The following HIPK1 variants were observed in gnomAD, a reference collection of about 807,000 sequenced individuals.
HIPK1 encodes the protein homeodomain interacting protein kinase 1, also known as homeodomain-interacting protein kinase 1.
In HIPK1, 28 loss-of-function variants were observed where a neutral mutation model predicts 117.1. The observed-to-expected ratio is 0.24, with a 90% CI of 0.18 to 0.33. HIPK1 has a LOEUF of 0.33. Ranked by LOEUF, HIPK1 falls within the 10% of genes least tolerant of loss-of-function variation. The pLI, the probability that HIPK1 is intolerant of heterozygous loss-of-function variation, is 1.00. For synonymous variants in HIPK1, 605 were observed against 562.5 expected, an observed-to-expected ratio of 1.08 and a Z score of -1.07; for missense variants, 1,122 against 1,475.1, an observed-to-expected ratio of 0.76 and a Z score of 3.92.
intron 15 of HIPK1, among the ~76,000 whole-genome samples, chr1:113,972,419 T>G (rs1672898842): frequency 1.3e-5 from 2 of 152,180 alleles, no homozygotes; most frequent in Admixed American, 1.3e-4. Context: ...ACTTCCCCAC[T>G]CTCCGAACAC....
rs1380481979 is a variant in HIPK1 at position 113,966,172 on chromosome 1, A to G, written c.2281A>G (p.Thr761Ala). 8 of 1,613,536 alleles carry G rather than the reference A, an allele frequency of 5.0e-6. No individual in the cohort carries two copies. The highest frequency in any genetic ancestry group is 6.8e-6 in the Non-Finnish European group (8 of 1,179,886). The change falls in exon 11 of 16, where the codon ACT (threonine) becomes GCT (alanine). Residue 761 changes from threonine to alanine, a missense_variant. Thr to Ala is a moderately conservative substitution (Grantham distance 58). This residue lies in a region of HIPK1 where 731 missense variants were observed against 860.4 expected (regional missense o/e 0.85). Coordinates refer to ENST00000426820, the MANE Select transcript of HIPK1 (RefSeq NM_198268.3). The part of the protein sequence containing the change: ...GGTQQILLPS[T>A]WQQLPGVALH... ...GACTCAGCAAATTCTCCTGCCTTCAACTTGGCAACAGTTGCCTGGGGTAGC... is the reference window on the plus strand; with the variant it reads ...GACTCAGCAAATTCTCCTGCCTTCAGCTTGGCAACAGTTGCCTGGGGTAGC...
intron 11 of HIPK1, 108 bp downstream of exon 11, chr1:113,966,380 ACT>A: frequency 9.6e-7 from 1 of 1,039,212 alleles, no homozygotes. Context: ...AAAATTTGAC[ACT>A]GTTGGAATCC....
At chr1:113,939,525 A>T (rs1670507606) in intron 1 of HIPK1, among the ~76,000 whole-genome samples, 1 of 152,080 alleles carries the variant, frequency 6.6e-6, no homozygotes, top group Admixed American at 6.6e-5. Flanking sequence ...GGTGTTTGTG[A>T]AATGTCCAAG....
intron 8 of HIPK1, among the ~76,000 whole-genome samples, chr1:113,960,926 A>G (rs112335934): frequency 5.3e-4 from 80 of 152,324 alleles, no homozygotes; most frequent in Middle Eastern, 3.4e-3. Flanking sequence ...TCTATGAGTT[A>G]TGCTCATTTG....
At position 113,958,049 on chromosome 1, in the gene HIPK1, A is replaced by G. The variant is rs771303972; in HGVS notation, c.1756-17A>G. On this transcript the variant is annotated splice_polypyrimidine_tract_variant and intron_variant, in intron 7 of 15. Transcript: ENST00000426820. ...CTACTTAATACAAGTGTACAAATAT[A>G]ATCCTTTTGTTTTTAGGCCAGTGTT... The G allele has an allele frequency of 6.4e-7, 1 of 1,562,018 alleles. No homozygotes were observed. The highest frequency in any genetic ancestry group is 8.8e-7 in the Non-Finnish European group (1 of 1,132,704).
rs1190711540 is a variant in HIPK1, at chr1:113,977,621, G to T, written c.*4109G>T. 1 of 152,602 alleles carries T rather than the reference G, an allele frequency of 6.6e-6. No homozygotes were observed. The highest frequency in any genetic ancestry group is 1.5e-5 in the Non-Finnish European group (1 of 68,016). 9.5% of individuals were successfully genotyped at this position (152,602 alleles called of 1,614,324 possible). A position where few individuals can be genotyped will look rare whatever the true frequency, so the allele number is the denominator to read the frequency against. ...AATAATCATTTTAACAAAAGAAATAGATATTTAAAATTTAATACTAACTAT... is the reference window on the plus strand; with the variant it reads ...AATAATCATTTTAACAAAAGAAATATATATTTAAAATTTAATACTAACTAT... On this transcript the variant is annotated 3_prime_UTR_variant, in exon 16 of 16. Transcript: ENST00000426820.
At chr1:113,934,784 GAAAAAAAAAAA>G (rs564619583) in intron 1 of HIPK1, among the ~76,000 whole-genome samples, 4 of 51,524 alleles carry the variant, frequency 7.8e-5, no homozygotes, top group South Asian at 6.2e-4. Flanking sequence ...CCTCATCTCT[GAAAAAAAAAAA>G]AAAAAAAAAA....
At chr1:113,932,091 C>A (rs1345569755) in intron 1 of HIPK1, 1 of 152,128 alleles carries the variant, frequency 6.6e-6, no homozygotes, top group East Asian at 1.9e-4. Flanking sequence ...GTTGTTGGAA[C>A]CCAGCTCCTA....
chr1:113,938,818 G>C (rs577657881), intron 1 of HIPK1, among the ~76,000 whole-genome samples: 1 of 151,470 alleles, frequency 6.6e-6, no homozygotes, highest in Non-Finnish European at 1.5e-5. Context: ...GCTGAGGCAG[G>C]AGAATTGCTT....
intron 3 of HIPK1, among the ~76,000 whole-genome samples, chr1:113,954,437 A>C (rs1671576190): frequency 6.6e-6 from 1 of 152,240 alleles, no homozygotes; most frequent in Non-Finnish European, 1.5e-5. Flanking sequence ...AAAAGATTAT[A>C]GCCAAAATTT....
At chr1:113,956,221 C>T (rs990488194) in intron 5 of HIPK1, among the ~76,000 whole-genome samples, 2 of 151,828 alleles carry the variant, frequency 1.3e-5, no homozygotes, top group Non-Finnish European at 2.9e-5. Flanking sequence ...ATTACAGGCA[C>T]GTGCCACCAT....
chr1:113,968,009 C>T lies in HIPK1; in HGVS notation c.2564+61C>T, dbSNP rs551395324. ...CCAGTTTGAGAGATATGTTGCCTTGCATTTGGAATATTGTATAGACATATA... is the reference window on the plus strand; with the variant it reads ...CCAGTTTGAGAGATATGTTGCCTTGTATTTGGAATATTGTATAGACATATA... On this transcript the variant is annotated intron_variant, in intron 12 of 15. Coordinates refer to ENST00000426820, the MANE Select transcript of HIPK1 (RefSeq NM_198268.3). 62 of 1,438,866 alleles carry T rather than the reference C, an allele frequency of 4.3e-5. No individual in the cohort carries two copies. In the South Asian group the frequency reaches 7.0e-4, roughly 16 times the overall value. The allele number at this position is 1,438,866 out of a possible 1,614,324, so 89.1% of individuals were successfully genotyped here.
intron 1 of HIPK1, chr1:113,929,904 G>T (rs1175687398): frequency 2.0e-6 from 2 of 986,438 alleles, no homozygotes; most frequent in Admixed American, 6.1e-5. Flanking sequence ...CCTCACGGCA[G>T]CCCCAGCTCG....
rs1287943438 is a variant in HIPK1 at position 113,975,346 on chromosome 1, C to G, written c.*1834C>G. On this transcript the variant is annotated 3_prime_UTR_variant, in exon 16 of 16. Coordinates refer to ENST00000426820, the MANE Select transcript of HIPK1 (RefSeq NM_198268.3). Reference sequence around the variant, plus strand: ...TTCTCCTTTACCACCACCTCTACCCCTTTCCATTTTGGATTCTCGGCTGAG... The same window carrying G: ...TTCTCCTTTACCACCACCTCTACCCGTTTCCATTTTGGATTCTCGGCTGAG... 6.5e-6 allele frequency: 1 copy of G among 152,794 alleles called. No homozygotes were observed. Among genetic ancestry groups the G allele is most frequent in the African/African-American group, 2.4e-5 (1 of 41,448 alleles). 9.5% of individuals were successfully genotyped at this position (152,794 alleles called of 1,614,324 possible).
chr1:113,953,021 G>C, intron 3 of HIPK1, 132 bp downstream of exon 3: 1 of 786,594 alleles, frequency 1.3e-6, no homozygotes, highest in East Asian at 3.4e-5. Flanking sequence ...TGCTACTAAA[G>C]AACTTTTTAA....
Position 113,962,364 on chromosome 1 carries a change from G to A in HIPK1, c.2029G>A (p.Asp677Asn). The A allele has an allele frequency of 6.2e-7, 1 of 1,613,832 alleles. No individual in the cohort carries two copies. The highest frequency in any genetic ancestry group is 8.5e-7 in the Non-Finnish European group (1 of 1,179,758). Residue 677 changes from aspartate to asparagine, a missense_variant, in exon 9 of 16, where the codon GAT becomes AAT. Asp to Asn is a conservative substitution (Grantham distance 23, BLOSUM62 1). This residue lies in a region of HIPK1 where 731 missense variants were observed against 860.4 expected (regional missense o/e 0.85). Coordinates refer to ENST00000426820, the MANE Select transcript of HIPK1 (RefSeq NM_198268.3). ...TKHSGFPVRMDNAVPIVPQAP... is the reference protein window; with the variant it reads ...TKHSGFPVRMNNAVPIVPQAP... ...GCATTCTGGATTCCCTGTGAGGATG[G>A]ATAATGCTGTACCGATTGTACCCCA...
intron 11 of HIPK1, among the ~76,000 whole-genome samples, chr1:113,967,352 A>G (rs973448821): frequency 4.6e-5 from 7 of 152,110 alleles, no homozygotes; most frequent in African/African-American, 9.7e-5. Flanking sequence ...ACAGTGTACA[A>G]TTGTTCCCTT....
chr1:113,967,570 A>G (rs1247049886), intron 11 of HIPK1, among the ~76,000 whole-genome samples, 196 bp from the exon 12 acceptor site: 2 of 152,102 alleles, frequency 1.3e-5, no homozygotes, highest in Non-Finnish European at 1.5e-5. Context: ...TTTTGATCGT[A>G]TTATTAGATT....
At position 113,929,471 on chromosome 1, in the gene HIPK1, C is replaced by T; in HGVS notation, c.-64C>T. On this transcript the variant is annotated 5_prime_UTR_variant, in exon 1 of 16. Coordinates refer to ENST00000426820, the MANE Select transcript of HIPK1 (RefSeq NM_198268.3). ...CCCACCTACTCGAGGCCCACCGACT[C>T]CTACTGCAATCAGTACTATGCGATC... The T allele has an allele frequency of 2.3e-6, 3 of 1,289,444 alleles. No individual in the cohort carries two copies. Among genetic ancestry groups the T allele is most frequent in the Non-Finnish European group, 3.0e-6 (3 of 988,872 alleles). The allele number at this position is 1,289,444 out of a possible 1,614,324, so 79.9% of individuals were successfully genotyped here. A position where few individuals can be genotyped will look rare whatever the true frequency, so the allele number is the denominator to read the frequency against.
Sources: gnomAD v4.1 joint callset for allele counts (sites outside exome capture counted in the v4.1 genomes callset) on GRCh38, gnomAD v4.1.1 for gene constraint, gnomAD v4.1.1 regional missense constraint, MANE v1.5 for transcripts, NCBI Gene and HGNC (gene_info 2026-07-23, HGNC 2026-07-21) for gene names.